The following SRD5A1 variants were observed in gnomAD, a reference collection of about 807,000 sequenced individuals.
SRD5A1 encodes steroid 5 alpha-reductase 1, also known as 3-oxo-5-alpha-steroid 4-dehydrogenase 1.
In SRD5A1, 22 loss-of-function variants were observed where a neutral mutation model predicts 28.2. The ratio of observed to expected loss-of-function variants is 0.78; its 90% CI spans 0.56 to 1.12. SRD5A1 has a LOEUF of 1.12. SRD5A1 is among the 50% of genes most tolerant of loss of function. SRD5A1 has a pLI of 0.00. For synonymous variants in SRD5A1, 151 were observed against 135.0 expected, an observed-to-expected ratio of 1.12 and a Z score of -0.82; for missense variants, 300 against 346.7, an observed-to-expected ratio of 0.87 and a Z score of 1.07.
At chr5:6,658,333 A>T (rs1037622005) in intron 3 of SRD5A1, among the ~76,000 whole-genome samples, 9 of 152,056 alleles carry the variant, frequency 5.9e-5, no homozygotes, top group East Asian at 1.9e-4. Flanking sequence ...TAAAAAAAAT[A>T]AAAAAAATAA....
chr5:6,651,967 T>C lies in SRD5A1; in HGVS notation c.419T>C (p.Val140Ala), dbSNP rs547435678. 11 of 1,614,114 alleles carry C rather than the reference T, an allele frequency of 6.8e-6. No homozygotes were observed. In the African/African-American group the frequency reaches 1.3e-4, roughly 20 times the overall value. Residue 140 changes from valine (V) to alanine (A), a missense_variant, in exon 2 of 5, where the codon GTG becomes GCG. By Grantham distance (64) the Val-to-Ala change is moderately conservative (BLOSUM62 0). Transcript: ENST00000274192. Reference sequence around the variant, plus strand: ...AGCAGATACTTGAGCCATTGTGCAGTGTATGCTGATGACTGGGTAACAGAT... The same window carrying C: ...AGCAGATACTTGAGCCATTGTGCAGCGTATGCTGATGACTGGGTAACAGAT... ...LQSRYLSHCA[V>A]YADDWVTDPR...
At chr5:6,654,986 G>T (rs7714182) in intron 2 of SRD5A1, among the ~76,000 whole-genome samples, 1 of 152,086 alleles carries the variant, frequency 6.6e-6, no homozygotes, top group South Asian at 2.1e-4. Context: ...CTTACAAAAC[G>T]TATTATAAAA....
chr5:6,637,505 C>T (rs1479875722), intron 1 of SRD5A1, among the ~76,000 whole-genome samples: 2 of 152,300 alleles, frequency 1.3e-5, no homozygotes, highest in Middle Eastern at 3.4e-3. Context: ...GGGGGCTTTG[C>T]AGACTGTGCC....
At chr5:6,649,458 C>G (rs557812717) in intron 1 of SRD5A1, among the ~76,000 whole-genome samples, 4 of 152,292 alleles carry the variant, frequency 2.6e-5, no homozygotes, top group Admixed American at 6.5e-5. Flanking sequence ...GCCCCTCCCC[C>G]CACCAAGCTC....
At chr5:6,666,594 T>C (rs1739189907) in intron 4 of SRD5A1, among the ~76,000 whole-genome samples, 1 of 152,206 alleles carries the variant, frequency 6.6e-6, no homozygotes, top group Non-Finnish European at 1.5e-5. Flanking sequence ...CTAACAAATA[T>C]TCTCTTAAAG....
chr5:6,649,853 G>C (rs1377089177), intron 1 of SRD5A1, among the ~76,000 whole-genome samples: 1 of 151,412 alleles, frequency 6.6e-6, no homozygotes, highest in Non-Finnish European at 1.5e-5. Flanking sequence ...CTCGCTGGGA[G>C]CTGCAAGACC....
chr5:6,660,900 C>T (rs907950820), intron 3 of SRD5A1, among the ~76,000 whole-genome samples: 12 of 152,142 alleles, frequency 7.9e-5, no homozygotes, highest in Admixed American at 2.0e-4. Flanking sequence ...AAGACCTTCA[C>T]ATGGTGGCAG....
intron 4 of SRD5A1, among the ~76,000 whole-genome samples, chr5:6,664,489 C>A (rs1157435594): frequency 6.6e-6 from 1 of 152,202 alleles, no homozygotes; most frequent in Non-Finnish European, 1.5e-5. Context: ...ACTGCCACCT[C>A]TGCCTCCCAG....
At chr5:6,649,379 C>G (rs755434749) in intron 1 of SRD5A1, among the ~76,000 whole-genome samples, 1 of 152,178 alleles carries the variant, frequency 6.6e-6, no homozygotes, top group Non-Finnish European at 1.5e-5. Flanking sequence ...CTGCCCAGTT[C>G]GAACTTCCTG....
At chr5:6,647,047 C>T (rs1738529221) in intron 1 of SRD5A1, among the ~76,000 whole-genome samples, 1 of 152,176 alleles carries the variant, frequency 6.6e-6, no homozygotes, top group Non-Finnish European at 1.5e-5. Context: ...AGTAGTCATT[C>T]AGGAGCAGGT....
intron 1 of SRD5A1, among the ~76,000 whole-genome samples, chr5:6,649,201 G>C (rs1466631915): frequency 6.6e-6 from 1 of 152,188 alleles, no homozygotes; most frequent in African/African-American, 2.4e-5. Flanking sequence ...TACACAGGGG[G>C]TCAGGGACCC....
chr5:6,670,023 C>G lies in SRD5A1; in HGVS notation c.*1755C>G, dbSNP rs1171177382. 1 of 152,538 alleles carries G rather than the reference C, an allele frequency of 6.6e-6. No individual in the cohort carries two copies. The highest frequency in any genetic ancestry group is 1.5e-5 in the Non-Finnish European group (1 of 68,340). The allele number at this position is 152,538 out of a possible 1,614,324, so 9.4% of individuals were successfully genotyped here. On this transcript the variant is annotated 3_prime_UTR_variant, in exon 5 of 5. Coordinates refer to ENST00000274192, the MANE Select transcript of SRD5A1 (RefSeq NM_001047.4). ...GGGAAATGAGCATCTCAAAGTGAGA[C>G]CAACTAAACATGGCGCCTGCAGCAG... is the stretch of plus-strand genomic sequence containing the variant.
At position 6,644,770 on chromosome 5, in the gene SRD5A1, C is replaced by T. The variant is rs8192178; in HGVS notation, c.294-7072C>T. ...CCTATGACAGTCCAAGAAGCCCACA[C>T]GTACCTCTGTCAAAACCAAATTCTG... On this transcript the variant is annotated intron_variant, in intron 1 of 4. Transcript: ENST00000274192. 3,349 of 419,352 alleles carry T rather than the reference C, an allele frequency of 8.0e-3. 95 individuals are homozygous for T. Among genetic ancestry groups the T allele is most frequent in the African/African-American group, 0.061 (3,019 of 49,520 alleles). 26.0% of individuals were successfully genotyped at this position (419,352 alleles called of 1,614,324 possible).
At chr5:6,665,596 T>G (rs1425266170) in intron 4 of SRD5A1, among the ~76,000 whole-genome samples, 1 of 152,188 alleles carries the variant, frequency 6.6e-6, no homozygotes, top group Admixed American at 6.5e-5. Flanking sequence ...CACTTCCCGG[T>G]GAAGATGCCA....
chr5:6,635,093 C>A (rs1738140045), intron 1 of SRD5A1, among the ~76,000 whole-genome samples: 1 of 152,196 alleles, frequency 6.6e-6, no homozygotes. Context: ...GTCATGCATT[C>A]CAGCGAAGAG....
intron 1 of SRD5A1, among the ~76,000 whole-genome samples, chr5:6,637,519 C>T (rs1463843410): frequency 2.0e-5 from 3 of 152,180 alleles, no homozygotes; most frequent in Non-Finnish European, 4.4e-5. Flanking sequence ...CTGTGCCTGA[C>T]CTCATGCTCT....
chr5:6,647,041 G>A (rs1353527619), intron 1 of SRD5A1, among the ~76,000 whole-genome samples: 3 of 152,192 alleles, frequency 2.0e-5, no homozygotes, highest in Non-Finnish European at 1.5e-5. Context: ...TTATCCAGTA[G>A]TCATTCAGGA....
At chr5:6,659,315 G>C (rs248802) in intron 3 of SRD5A1, among the ~76,000 whole-genome samples, 3 of 151,562 alleles carry the variant, frequency 2.0e-5, no homozygotes, top group Admixed American at 6.6e-5. Flanking sequence ...GGGTTTCACC[G>C]TGTTAGCCAG....
At chr5:6,645,222 A>C in intron 1 of SRD5A1, 1 of 317,646 alleles carries the variant, frequency 3.1e-6, no homozygotes, top group Non-Finnish European at 6.2e-6. Context: ...CATAACCATA[A>C]CTAATGACTA....
Sources: allele counts gnomAD v4.1 joint callset (sites outside exome capture counted in the v4.1 genomes callset), GRCh38; gene constraint gnomAD v4.1.1; transcripts MANE v1.5; gene names NCBI Gene and HGNC (gene_info 2026-07-23, HGNC 2026-07-21).